The following G2E3 variants were observed in gnomAD, a reference collection of about 807,000 sequenced individuals.
The protein encoded by G2E3 is G2/M-phase specific E3 ubiquitin protein ligase, also known as G2/M phase-specific E3 ubiquitin-protein ligase.
Under a neutral mutation model 92.8 loss-of-function variants are expected in G2E3, and 35 were observed. The ratio of observed to expected loss-of-function variants is 0.38; its 90% CI spans 0.29 to 0.50. The LOEUF (loss-of-function observed/expected upper bound fraction) is 0.50, where lower values mean the gene tolerates loss of function less well. Ranked by LOEUF, G2E3 falls within the 20% of genes least tolerant of loss-of-function variation. G2E3 has a pLI of 0.94. For synonymous variants in G2E3, 242 were observed against 272.4 expected, an observed-to-expected ratio of 0.89 and a Z score of 1.10; for missense variants, 554 against 823.8, an observed-to-expected ratio of 0.67 and a Z score of 4.01.
Position 30,616,684 on chromosome 14 carries a change from G to A in G2E3, c.*150G>A. ...GATATGAATATAAAGGAATATTATA[G>A]CCACTTAGGCTAAAAAAAGGTTTTT... On this transcript the variant is annotated 3_prime_UTR_variant, in exon 15 of 15. Transcript: ENST00000206595. The A allele has an allele frequency of 1.7e-6, 1 of 578,658 alleles. No homozygotes were observed. Among genetic ancestry groups the A allele is most frequent in the Non-Finnish European group, 2.9e-6 (1 of 345,246 alleles). The allele number at this position is 578,658 out of a possible 1,614,324, so 35.8% of individuals were successfully genotyped here. A position where few individuals can be genotyped will look rare whatever the true frequency, so the allele number is the denominator to read the frequency against.
chr14:30,606,254 A>AATT (rs1336110823), intron 11 of G2E3, among the ~76,000 whole-genome samples: 2 of 151,838 alleles, frequency 1.3e-5, no homozygotes, highest in East Asian at 3.9e-4. Flanking sequence ...TTTTTTGCAC[A>AATT]ATTATGTATA....
intron 1 of G2E3, 67 bp from the exon 2 acceptor site, chr14:30,581,009 A>T (rs58049): frequency 0.4 from 337,467 of 840,068 alleles, 75,974 homozygotes; most frequent in African/African-American, 0.79. Context: ...ATTGACTGCA[A>T]GTAATAAAAG....
At chr14:30,585,077 G>T (rs1462133584) in intron 2 of G2E3, among the ~76,000 whole-genome samples, 1 of 152,010 alleles carries the variant, frequency 6.6e-6, no homozygotes, top group Non-Finnish European at 1.5e-5. Context: ...CTTGTGATCT[G>T]CCCGCCTGGG....
intron 1 of G2E3, among the ~76,000 whole-genome samples, chr14:30,564,461 C>T (rs937180413): frequency 2.0e-5 from 3 of 152,114 alleles, no homozygotes; most frequent in Non-Finnish European, 4.4e-5. Flanking sequence ...GCTTCCCAGG[C>T]AGCTAGGACT....
chr14:30,595,360 A>G (rs1566542421), intron 6 of G2E3, among the ~76,000 whole-genome samples: 2 of 152,190 alleles, frequency 1.3e-5, no homozygotes, highest in African/African-American at 2.4e-5. Context: ...CAAATGTGTC[A>G]TCTTGTTAAT....
In G2E3 at chr14:30,618,055, CAG is replaced by C. The variant is rs1002045913; in HGVS notation, c.*1523_*1524del. 3.9e-5 allele frequency: 6 copies of C among 151,984 alleles called. No homozygotes were observed. The highest frequency in any genetic ancestry group is 1.4e-4 in the African/African-American group (6 of 41,494). 9.4% of individuals were successfully genotyped at this position (151,984 alleles called of 1,614,324 possible). A position where few individuals can be genotyped will look rare whatever the true frequency, so the allele number is the denominator to read the frequency against. On this transcript the variant is annotated 3_prime_UTR_variant, in exon 15 of 15. Coordinates refer to ENST00000206595, the MANE Select transcript of G2E3 (RefSeq NM_017769.5). Reference sequence around the variant, plus strand: ...TACATTATTGATATTTTTTAAGTAACAGAATAGATTTGAAAGAGATAATATAT... The same window carrying C: ...TACATTATTGATATTTTTTAAGTAACAATAGATTTGAAAGAGATAATATAT...
chr14:30,577,606 G>A (rs1395766009), intron 1 of G2E3: 2 of 152,234 alleles, frequency 1.3e-5, no homozygotes, highest in African/African-American at 4.8e-5. Flanking sequence ...TACCAACTGG[G>A]TGTCTCCATG....
At chr14:30,599,522 C>T (rs1566545097) in intron 8 of G2E3, among the ~76,000 whole-genome samples, 5 of 152,078 alleles carry the variant, frequency 3.3e-5, no homozygotes, top group African/African-American at 9.7e-5. Flanking sequence ...CCACTGCGCT[C>T]GGCCATAATT....
intron 1 of G2E3, among the ~76,000 whole-genome samples, chr14:30,566,100 C>T (rs1388979707): frequency 1.3e-5 from 2 of 152,132 alleles, no homozygotes; most frequent in African/African-American, 4.8e-5. Flanking sequence ...TTGACTCTTT[C>T]TTCTTTTCTA....
At chr14:30,572,344 A>G (rs1467487502) in intron 1 of G2E3, among the ~76,000 whole-genome samples, 1 of 152,158 alleles carries the variant, frequency 6.6e-6, no homozygotes, top group African/African-American at 2.4e-5. Context: ...ACTAAGGTGA[A>G]CGTTTGTAGA....
intron 8 of G2E3, among the ~76,000 whole-genome samples, chr14:30,600,055 T>C (rs1192972903): frequency 1.3e-5 from 2 of 152,222 alleles, no homozygotes; most frequent in Admixed American, 6.5e-5. Flanking sequence ...GTTTTTAAGA[T>C]GTAGGATAAG....
chr14:30,568,373 G>GC (rs1379245332), intron 1 of G2E3, among the ~76,000 whole-genome samples: 2 of 152,038 alleles, frequency 1.3e-5, no homozygotes, highest in African/African-American at 4.8e-5. Context: ...GTCAACCTTT[G>GC]CCTTTTAATT....
At chr14:30,585,129 C>T (rs1880637941) in intron 2 of G2E3, among the ~76,000 whole-genome samples, 1 of 152,056 alleles carries the variant, frequency 6.6e-6, no homozygotes, top group Admixed American at 6.6e-5. Context: ...CCACTGTACC[C>T]AGACAATAGT....
At position 30,585,958 on chromosome 14, in the gene G2E3, T is replaced by C. The variant is rs188062349; in HGVS notation, c.38-760T>C. 1.0e-3 allele frequency among the ~76,000 whole-genome samples: 153 copies of C among 152,310 alleles called. 1 individual carries two copies. The highest frequency in any genetic ancestry group is 4.8e-3 in the East Asian group (25 of 5,180). The stretch of plus-strand genomic sequence containing the variant: ...TTATGCAGAAGGTTTTCCAAATTTT[T>C]ATTCCCTCATGTACCCTCTTTTCCC... On this transcript the variant is annotated intron_variant, in intron 2 of 14. Coordinates refer to ENST00000206595, the MANE Select transcript of G2E3 (RefSeq NM_017769.5).
At chr14:30,590,653 G>C in intron 4 of G2E3, 1 of 455,484 alleles carries the variant, frequency 2.2e-6, no homozygotes, top group South Asian at 1.6e-5. Context: ...TATTTTTGAA[G>C]ATATCAAGAA....
rs1374006500 is a variant in G2E3, at chr14:30,615,433, A to C, written c.1758A>C (p.Lys586Asn). 1 of 1,610,746 alleles carries C rather than the reference A, an allele frequency of 6.2e-7. No individual in the cohort carries two copies. Among genetic ancestry groups the C allele is most frequent in the Non-Finnish European group, 8.5e-7 (1 of 1,177,228 alleles). ...PEAFCSILCH[K>N]PESLSAKILS... Reference sequence around the variant, plus strand: ...CATTTTGTAGCATCCTGTGTCATAAACCTGAGAGTCTTTCTGCAAAAATCC... The same window carrying C: ...CATTTTGTAGCATCCTGTGTCATAACCCTGAGAGTCTTTCTGCAAAAATCC... The change falls in exon 14 of 15, where the codon AAA (lysine) becomes AAC (asparagine). Residue 586 changes from lysine (K) to asparagine (N), a missense_variant. Lys to Asn is a moderately conservative substitution (Grantham distance 94). Coordinates refer to ENST00000206595, the MANE Select transcript of G2E3 (RefSeq NM_017769.5).
chr14:30,596,441 T>G (rs2138864850), intron 6 of G2E3, among the ~76,000 whole-genome samples: 1 of 152,200 alleles, frequency 6.6e-6, no homozygotes, highest in East Asian at 1.9e-4. Context: ...GGCAAGAATG[T>G]AATCCTTAAC....
At chr14:30,577,068 T>TA (rs1880139966) in intron 1 of G2E3, among the ~76,000 whole-genome samples, 1 of 151,570 alleles carries the variant, frequency 6.6e-6, no homozygotes. Flanking sequence ...GTACTAAAAA[T>TA]ACAAAAATTA....
At position 30,586,764 on chromosome 14, in the gene G2E3, A is replaced by C; in HGVS notation, c.84A>C (p.Gly28=). 6.9e-7 allele frequency: 1 copy of C among 1,454,026 alleles called. No homozygotes were observed. The highest frequency in any genetic ancestry group is 9.4e-7 in the Non-Finnish European group (1 of 1,066,402). 90.1% of individuals were successfully genotyped at this position (1,454,026 alleles called of 1,614,324 possible). The change falls in exon 3 of 15, where the codon GGA becomes GGC. Residue 28 remains glycine (G), a synonymous_variant. Transcript: ENST00000206595. ...RKHDDCPNKY[G]EKKTKEKWNL... Reference sequence around the variant, plus strand: ...ATGATGACTGTCCTAATAAATACGGAGAAAAGAAAACTAAGGAGAAATGGA... The same window carrying C: ...ATGATGACTGTCCTAATAAATACGGCGAAAAGAAAACTAAGGAGAAATGGA...
Sources: gnomAD v4.1 joint callset for allele counts (sites outside exome capture counted in the v4.1 genomes callset) on GRCh38, gnomAD v4.1.1 for gene constraint, MANE v1.5 for transcripts, NCBI Gene and HGNC (gene_info 2026-07-23, HGNC 2026-07-21) for gene names.